Variants in LAMA2 observed in about 807,000 individuals in gnomAD.
LAMA2 encodes laminin subunit alpha 2.
LAMA2 carries 269 observed loss-of-function variants against 364.8 expected under a neutral mutation model. The ratio of observed to expected loss-of-function variants is 0.74; its 90% confidence interval spans 0.67 to 0.82. The LOEUF is 0.82. LAMA2 is among the 40% of genes least tolerant of loss of function. The pLI is 0.00. For missense variants in LAMA2, 3,807 were observed against 3,873.2 expected (o/e 0.98, Z 0.45); for synonymous variants, 1,379 against 1,370.6 (o/e 1.01, Z -0.14).
intron 10 of LAMA2, among the ~76,000 whole-genome samples, chr6:129,182,361 C>T (rs1411387653): frequency 6.6e-6 from 1 of 151,368 alleles, no homozygotes; most frequent in Admixed American, 6.6e-5. Context: ...TGATAAAACC[C>T]TGTCAACCAG....
rs149564843 is a variant in LAMA2 at position 129,399,177 on chromosome 6, A to T, written c.5446-2047A>T. On this transcript the variant is annotated intron_variant, in intron 37 of 64. Coordinates refer to ENST00000421865, the MANE Select transcript of LAMA2 (RefSeq NM_000426.4). ...ACGAATCAATCTATATAAAAAAGAA[A>T]ATAATATTGTCTATGTTTCTACCAC... Among the ~76,000 whole-genome samples the T allele has an allele frequency of 5.2e-3, 795 of 152,320 alleles. 10 individuals carry two copies. Among genetic ancestry groups the T allele is most frequent in the East Asian group, 0.024 (127 of 5,188 alleles).
intron 9 of LAMA2, among the ~76,000 whole-genome samples, chr6:129,175,130 C>A (rs560570065): frequency 9.3e-4 from 141 of 152,272 alleles, no homozygotes; most frequent in Non-Finnish European, 1.8e-3. Flanking sequence ...TTACTAATAT[C>A]AAACAATATT....
intron 29 of LAMA2, among the ~76,000 whole-genome samples, chr6:129,331,579 CT>C (rs1775656989): frequency 6.6e-6 from 1 of 152,006 alleles, no homozygotes; most frequent in Admixed American, 6.6e-5. Context: ...CATCTTCCCC[CT>C]ATGTTCTCAA....
intron 1 of LAMA2, among the ~76,000 whole-genome samples, chr6:128,979,294 C>T (rs1288461506): frequency 6.6e-6 from 1 of 152,140 alleles, no homozygotes; most frequent in Non-Finnish European, 1.5e-5. Context: ...ATGTTGCTGC[C>T]TTATTTCCCA....
intron 4 of LAMA2, among the ~76,000 whole-genome samples, chr6:129,120,025 T>C (rs1393064274): frequency 6.6e-6 from 1 of 152,192 alleles, no homozygotes; most frequent in African/African-American, 2.4e-5. Flanking sequence ...TTCTAGCACG[T>C]GTATACTAAT....
chr6:128,942,154 C>G (rs149899592), intron 1 of LAMA2, among the ~76,000 whole-genome samples: 1 of 152,020 alleles, frequency 6.6e-6, no homozygotes, highest in Admixed American at 6.6e-5. Context: ...AGCTCTGTTT[C>G]GGACATTAAG....
intron 8 of LAMA2, among the ~76,000 whole-genome samples, chr6:129,164,447 T>C (rs945810133): frequency 1.3e-5 from 2 of 152,226 alleles, no homozygotes; most frequent in Non-Finnish European, 1.5e-5. Flanking sequence ...TACTGTAATT[T>C]ATCATCTCTA....
At chr6:129,335,356 GTAGATAGATAGATAGATAGA>G (rs35228622) in intron 29 of LAMA2, among the ~76,000 whole-genome samples, 4 of 148,482 alleles carry the variant, frequency 2.7e-5, no homozygotes, top group Admixed American at 1.3e-4. Flanking sequence ...TAGTAAGTAG[GTAGATAGATAGATAGATAGA>G]TAGATAGATA....
At chr6:128,915,594 T>G (rs1441889271) in intron 1 of LAMA2, among the ~76,000 whole-genome samples, 2 of 152,212 alleles carry the variant, frequency 1.3e-5, no homozygotes, top group African/African-American at 4.8e-5. Flanking sequence ...GATAAATGCC[T>G]TCATGCTGTG....
At chr6:129,486,763 T>C (rs2114849536) in intron 56 of LAMA2, 141 bp downstream of exon 56, 1 of 814,486 alleles carries the variant, frequency 1.2e-6, no homozygotes, top group South Asian at 1.5e-5. Flanking sequence ...CTTAATTCCC[T>C]CTTCTTTACT....
intron 1 of LAMA2, among the ~76,000 whole-genome samples, chr6:129,019,341 A>G (rs1218624506): frequency 1.3e-5 from 2 of 150,914 alleles, no homozygotes; most frequent in Non-Finnish European, 3.0e-5. Context: ...ATATAAATTA[A>G]AACATAAATT....
chr6:129,474,053 T>G (rs1783948616), intron 52 of LAMA2, among the ~76,000 whole-genome samples: 1 of 152,120 alleles, frequency 6.6e-6, no homozygotes. Flanking sequence ...AATTACACTC[T>G]AATTAGAATG....
At chr6:129,281,068 C>T (rs1253070514) in intron 18 of LAMA2, among the ~76,000 whole-genome samples, 1 of 152,024 alleles carries the variant, frequency 6.6e-6, no homozygotes. Flanking sequence ...AACTAGCAGT[C>T]TGTGGACAAA....
chr6:128,922,923 A>C (rs1182403026), intron 1 of LAMA2, among the ~76,000 whole-genome samples: 1 of 151,366 alleles, frequency 6.6e-6, no homozygotes, highest in Non-Finnish European at 1.5e-5. Context: ...AGCTTTCTAC[A>C]TATGGCTAGC....
At chr6:129,337,246 C>T (rs896724402) in intron 29 of LAMA2, among the ~76,000 whole-genome samples, 3 of 152,116 alleles carry the variant, frequency 2.0e-5, no homozygotes, top group African/African-American at 7.2e-5. Context: ...CAGGGCATTG[C>T]TATTTGTATA....
intron 1 of LAMA2, among the ~76,000 whole-genome samples, chr6:128,983,248 A>G (rs1214409902): frequency 2.0e-5 from 3 of 151,784 alleles, no homozygotes; most frequent in African/African-American, 7.3e-5. Flanking sequence ...AAGTGTTCCT[A>G]TTTCTCCATA....
rs6928733 is a variant in LAMA2, at chr6:128,929,276, T to C, written c.112+45919T>C. The C allele has an allele frequency of 6.6e-3, 8,882 of 1,340,010 alleles. 392 individuals are homozygous for C. The African/African-American group carries it at 0.1, about 15-fold the overall frequency. The allele number at this position is 1,340,010 out of a possible 1,614,324, so 83.0% of individuals were successfully genotyped here. On this transcript the variant is annotated intron_variant, in intron 1 of 64. Coordinates refer to ENST00000421865, the MANE Select transcript of LAMA2 (RefSeq NM_000426.4). ...ACCGTCAATGGCTAAGTTCCCGTCA[T>C]TGATGCGGATCCCTGCCCACATGTC...
chr6:129,288,390 A>AT (rs571468356), intron 19 of LAMA2, among the ~76,000 whole-genome samples: 51 of 152,172 alleles, frequency 3.4e-4, no homozygotes, highest in African/African-American at 1.2e-3. Flanking sequence ...CCATGTATCC[A>AT]TTTTTTTATC....
intron 40 of LAMA2, among the ~76,000 whole-genome samples, chr6:129,406,824 G>C (rs1780271958): frequency 6.6e-6 from 1 of 152,260 alleles, no homozygotes; most frequent in South Asian, 2.1e-4. Flanking sequence ...ACAAGATGAA[G>C]TCCCACAATA....
Sources: allele counts gnomAD v4.1 joint callset (sites outside exome capture counted in the v4.1 genomes callset), GRCh38; gene constraint gnomAD v4.1.1; transcripts MANE v1.5; gene names NCBI Gene and HGNC (gene_info 2026-07-23, HGNC 2026-07-21).